Variants in CALN1 observed in about 807,000 individuals in gnomAD.
CALN1 encodes calneuron 1, also known as calcium-binding protein 8.
A neutral mutation model predicts 30.6 loss-of-function variants in CALN1; 17 were observed. The ratio of observed to expected loss-of-function variants is 0.56; its 90% CI spans 0.38 to 0.83. The LOEUF (loss-of-function observed/expected upper bound fraction) is 0.83, where lower values mean the gene tolerates loss of function less well. Among genes scored for constraint, CALN1 ranks in the 40% least tolerant of loss-of-function variants. CALN1 has a pLI of 0.00. For synonymous variants in CALN1, 156 were observed against 131.4 expected, an observed-to-expected ratio of 1.19 and a Z score of -1.28; for missense variants, 291 against 354.9, an observed-to-expected ratio of 0.82 and a Z score of 1.45.
At chr7:72,181,509 TG>T (rs375382196) in intron 3 of CALN1, among the ~76,000 whole-genome samples, 1,766 of 112,346 alleles carry the variant, frequency 0.016, 33 homozygotes, top group African/African-American at 0.054. Flanking sequence ...TTGAGAGTCT[TG>T]CTCTGTCACC....
intron 2 of CALN1, among the ~76,000 whole-genome samples, chr7:72,385,959 A>G (rs1021647181): frequency 6.6e-6 from 1 of 152,182 alleles, no homozygotes; most frequent in Admixed American, 6.5e-5. Flanking sequence ...ACTAATACAA[A>G]TTATCAAACC....
chr7:72,061,921 G>T (rs1563022669), intron 4 of CALN1, among the ~76,000 whole-genome samples: 1 of 150,018 alleles, frequency 6.7e-6, no homozygotes, highest in African/African-American at 2.5e-5. Context: ...GAAGAATAAA[G>T]ACAAAGAAAA....
intron 3 of CALN1, among the ~76,000 whole-genome samples, chr7:72,254,523 T>C (rs1242878996): frequency 6.6e-6 from 1 of 152,162 alleles, no homozygotes; most frequent in Non-Finnish European, 1.5e-5. Context: ...ACTGTCTCTA[T>C]GAAGACAAAT....
At chr7:71,931,540 T>A (rs183028515) in intron 5 of CALN1, among the ~76,000 whole-genome samples, 4 of 152,332 alleles carry the variant, frequency 2.6e-5, no homozygotes, top group African/African-American at 9.6e-5. Context: ...GTGCTGGAAT[T>A]ACAAGCATGC....
chr7:71,955,072 T>G (rs1195817346), intron 5 of CALN1, among the ~76,000 whole-genome samples: 2 of 152,156 alleles, frequency 1.3e-5, no homozygotes, highest in Non-Finnish European at 2.9e-5. Flanking sequence ...AGAGGTTTAA[T>G]GGATTCACAG....
intron 3 of CALN1, among the ~76,000 whole-genome samples, chr7:72,161,015 G>T (rs775558559): frequency 6.6e-6 from 1 of 152,206 alleles, no homozygotes; most frequent in South Asian, 2.1e-4. Flanking sequence ...GAAGCTGGCA[G>T]GGAGCTTCTG....
rs773235730 is a variant in CALN1, at chr7:71,785,398, C to T, written c.*2377G>A. ...CTCTGCCAATGAAATCTAACCCTCA[C>T]CTCTTGAAGGGTCTCTGTTCTCCAG... On this transcript the variant is annotated 3_prime_UTR_variant, in exon 7 of 7. Transcript: ENST00000395275. The T allele has an allele frequency of 2.0e-5, 3 of 152,326 alleles. No homozygotes were observed. Among genetic ancestry groups the T allele is most frequent in the Non-Finnish European group, 4.4e-5 (3 of 68,134 alleles). 9.4% of individuals were successfully genotyped at this position (152,326 alleles called of 1,614,324 possible).
At chr7:72,016,917 CCAA>C (rs1266900109) in intron 5 of CALN1, among the ~76,000 whole-genome samples, 1 of 148,236 alleles carries the variant, frequency 6.7e-6, no homozygotes, top group Non-Finnish European at 1.5e-5. Context: ...CTTTGGGAGG[CCAA>C]GGTGAGTGGA....
chr7:72,502,162 G>A, the CALN1 span, among the ~76,000 whole-genome samples: 14 of 148,940 alleles, frequency 9.4e-5, no homozygotes, highest in East Asian at 3.9e-4. Context: ...TCCTGCTGCC[G>A]TATTAGAAGA....
At chr7:72,488,884 A>G in the CALN1 span, among the ~76,000 whole-genome samples, 2 of 151,962 alleles carry the variant, frequency 1.3e-5, no homozygotes, top group African/African-American at 2.4e-5. Context: ...GGGTCTCACT[A>G]TGTTGCCCAG....
intron 2 of CALN1, among the ~76,000 whole-genome samples, chr7:72,345,017 A>G (rs1802563541): frequency 1.4e-5 from 2 of 147,966 alleles, no homozygotes; most frequent in Non-Finnish European, 3.0e-5. Flanking sequence ...TTATATATGT[A>G]CAATATAATG....
chr7:72,460,126 G>A, the CALN1 span, among the ~76,000 whole-genome samples: 1 of 152,034 alleles, frequency 6.6e-6, no homozygotes, highest in Non-Finnish European at 1.5e-5. Context: ...TGAACTAATA[G>A]AGTGAAATCT....
intron 6 of CALN1, among the ~76,000 whole-genome samples, chr7:71,793,596 G>A (rs1786707650): frequency 6.6e-6 from 1 of 152,134 alleles, no homozygotes; most frequent in Non-Finnish European, 1.5e-5. Flanking sequence ...GTTGGGCTGG[G>A]TGTGGTGGCT....
chr7:71,808,618 G>A (rs972417869), intron 6 of CALN1, among the ~76,000 whole-genome samples: 16 of 151,960 alleles, frequency 1.1e-4, no homozygotes, highest in African/African-American at 2.9e-4. Flanking sequence ...GCCTTACTTC[G>A]AATTTAGATT....
At chr7:72,460,869 C>G in the CALN1 span, among the ~76,000 whole-genome samples, 2 of 152,066 alleles carry the variant, frequency 1.3e-5, no homozygotes, top group Non-Finnish European at 2.9e-5. Context: ...TTTTGCTTCC[C>G]CCCACGGCAG....
intron 5 of CALN1, among the ~76,000 whole-genome samples, chr7:71,928,474 G>A (rs892245767): frequency 1.3e-5 from 2 of 149,176 alleles, no homozygotes; most frequent in Non-Finnish European, 3.0e-5. Flanking sequence ...AGGTCTGTCC[G>A]TGTTTTGTAC....
intron 2 of CALN1, among the ~76,000 whole-genome samples, chr7:72,395,290 AAAT>A (rs1410671999): frequency 6.6e-6 from 1 of 152,152 alleles, no homozygotes; most frequent in Non-Finnish European, 1.5e-5. Context: ...CCGGGAGAGA[AAAT>A]AAACACTTAA....
At chr7:71,846,475 G>A (rs1000747830) in intron 5 of CALN1, among the ~76,000 whole-genome samples, 2 of 152,034 alleles carry the variant, frequency 1.3e-5, no homozygotes, top group Non-Finnish European at 2.9e-5. Context: ...TGTACTAGTC[G>A]GGTTCCCCAG....
chr7:72,059,744 A>C (rs1423823896), intron 4 of CALN1, among the ~76,000 whole-genome samples: 1 of 152,060 alleles, frequency 6.6e-6, no homozygotes, highest in Non-Finnish European at 1.5e-5. Flanking sequence ...ATTTCCCATA[A>C]CTTAGTTATA....
Sources: allele counts gnomAD v4.1 joint callset (sites outside exome capture counted in the v4.1 genomes callset), GRCh38; gene constraint gnomAD v4.1.1; transcripts MANE v1.5; gene names NCBI Gene and HGNC (gene_info 2026-07-23, HGNC 2026-07-21).